DEPTOR: variants seen among roughly 807,000 people sequenced by gnomAD.
DEPTOR encodes the protein DEP domain-containing mTOR-interacting protein.
In DEPTOR, 41 loss-of-function variants were observed where a neutral mutation model predicts 41.6. That is an observed-to-expected ratio of 0.98 (90% CI 0.77 to 1.28). DEPTOR has a LOEUF of 1.28. Ranked by LOEUF, DEPTOR falls within the 50% of genes most tolerant of loss-of-function variation. The probability of loss-of-function intolerance (pLI) is 0.00; values close to 1 mark genes in which losing one functional copy is unlikely to be tolerated. For missense variants in DEPTOR, 514 were observed against 527.9 expected (o/e 0.97, Z 0.26); for synonymous variants, 195 against 192.3 (o/e 1.01, Z -0.12).
At position 120,029,597 on chromosome 8, in the gene DEPTOR, T is replaced by C. The variant is rs181409039; in HGVS notation, c.1102-19979T>C. Among the ~76,000 whole-genome samples the C allele has an allele frequency of 3.4e-3, 524 of 152,266 alleles. 1 individual carries two copies. Among genetic ancestry groups the C allele is most frequent in the African/African-American group, 0.011 (477 of 41,576 alleles). On this transcript the variant is annotated intron_variant, in intron 8 of 8. Transcript: ENST00000286234. ...TTTTAGTAGAGACAGGGTTTCACCATATTGGTCAGGCTGGTCTTGAATTCT... is the reference window on the plus strand; with the variant it reads ...TTTTAGTAGAGACAGGGTTTCACCACATTGGTCAGGCTGGTCTTGAATTCT...
intron 3 of DEPTOR, among the ~76,000 whole-genome samples, chr8:119,957,040 G>C (rs1828427382): frequency 6.6e-6 from 1 of 151,886 alleles, no homozygotes; most frequent in Admixed American, 6.6e-5. Context: ...CCTGGCCAGA[G>C]ACAGGGTCTT....
intron 4 of DEPTOR, among the ~76,000 whole-genome samples, chr8:119,973,829 A>G (rs1828662672): frequency 6.6e-6 from 1 of 152,228 alleles, no homozygotes; most frequent in Non-Finnish European, 1.5e-5. Context: ...TATACAAAGC[A>G]GTTTTACATA....
chr8:119,924,844 T>G (rs973587428), intron 1 of DEPTOR, among the ~76,000 whole-genome samples: 11 of 152,204 alleles, frequency 7.2e-5, no homozygotes, highest in Admixed American at 2.6e-4. Flanking sequence ...ACCCAGGTAA[T>G]GAGCATAGTA....
At chr8:119,985,017 C>A (rs1828811822) in intron 4 of DEPTOR, among the ~76,000 whole-genome samples, 1 of 152,018 alleles carries the variant, frequency 6.6e-6, no homozygotes, top group Non-Finnish European at 1.5e-5. Context: ...ACTAAAAATA[C>A]AAAAAATTAG....
chr8:119,899,069 C>T (rs1450629633), intron 1 of DEPTOR, among the ~76,000 whole-genome samples: 2 of 152,172 alleles, frequency 1.3e-5, no homozygotes, highest in Non-Finnish European at 2.9e-5. Flanking sequence ...TTTTGGTGAA[C>T]CCTCTATCAG....
intron 1 of DEPTOR, among the ~76,000 whole-genome samples, chr8:119,923,832 T>TG (rs1261091966): frequency 1.3e-5 from 2 of 152,066 alleles, no homozygotes; most frequent in Admixed American, 6.6e-5. Flanking sequence ...GGGTTCTTCT[T>TG]ATCTACTGAA....
intron 2 of DEPTOR, among the ~76,000 whole-genome samples, chr8:119,929,561 TATGATGATG>T (rs3834882): frequency 2.0e-5 from 3 of 151,418 alleles, no homozygotes; most frequent in Non-Finnish European, 4.4e-5. Flanking sequence ...ACTTCCTAAA[TATGATGATG>T]ATGATGATGA....
chr8:119,933,788 T>C (rs1033741917), intron 3 of DEPTOR, among the ~76,000 whole-genome samples: 1 of 152,166 alleles, frequency 6.6e-6, no homozygotes, highest in Non-Finnish European at 1.5e-5. Flanking sequence ...TGCTTGTTTG[T>C]TCTGTGTTAT....
Position 120,049,860 on chromosome 8 carries a change from A to C in DEPTOR, c.*156A>C. ...TCTAAAGTTGAGTTTTATACACTGAATGTGGAAGAACCGGGTATCATATCT... is the reference window on the plus strand; with the variant it reads ...TCTAAAGTTGAGTTTTATACACTGACTGTGGAAGAACCGGGTATCATATCT... On this transcript the variant is annotated 3_prime_UTR_variant, in exon 9 of 9. Transcript: ENST00000286234. The C allele has an allele frequency of 1.2e-6, 1 of 809,732 alleles. No individual in the cohort carries two copies. The highest frequency in any genetic ancestry group is 1.7e-6 in the Non-Finnish European group (1 of 572,182). The allele number at this position is 809,732 out of a possible 1,614,324, so 50.2% of individuals were successfully genotyped here.
At chr8:120,039,121 G>T (rs1813021232) in intron 8 of DEPTOR, among the ~76,000 whole-genome samples, 2 of 152,142 alleles carry the variant, frequency 1.3e-5, no homozygotes, top group African/African-American at 4.8e-5. Context: ...AAATGATTAG[G>T]TCACTGGGTC....
At chr8:119,884,619 A>G (rs905005033) in intron 1 of DEPTOR, among the ~76,000 whole-genome samples, 3 of 150,558 alleles carry the variant, frequency 2.0e-5, no homozygotes, top group African/African-American at 7.3e-5. Flanking sequence ...TCTATTGAGG[A>G]TCTTGAGTTA....
chr8:120,002,620 G>A (rs1812365978), intron 5 of DEPTOR, among the ~76,000 whole-genome samples: 1 of 150,280 alleles, frequency 6.7e-6, no homozygotes. Context: ...TCTACTAAAA[G>A]TACAAAATTT....
intron 6 of DEPTOR, among the ~76,000 whole-genome samples, chr8:120,003,533 G>A (rs1297462610): frequency 1.3e-5 from 2 of 152,174 alleles, no homozygotes; most frequent in Non-Finnish European, 2.9e-5. Context: ...TCGGAGCTGG[G>A]AGAAGTCCCT....
intron 1 of DEPTOR, among the ~76,000 whole-genome samples, chr8:119,915,359 GGAA>G (rs1314638048): frequency 6.6e-6 from 1 of 152,110 alleles, no homozygotes; most frequent in Admixed American, 6.5e-5. Context: ...TTCTTCTCAG[GGAA>G]GAAGTTTTCA....
chr8:120,015,697 G>C (rs534002934), intron 8 of DEPTOR, among the ~76,000 whole-genome samples: 1 of 152,292 alleles, frequency 6.6e-6, no homozygotes, highest in East Asian at 1.9e-4. Context: ...CCCGTACAGA[G>C]ACAGAGGGAG....
intron 2 of DEPTOR, among the ~76,000 whole-genome samples, chr8:119,928,855 T>G (rs557768247): frequency 1.8e-3 from 273 of 152,010 alleles, no homozygotes; most frequent in African/African-American, 6.1e-3. Context: ...CCCCCCAAAG[T>G]GCTGGGATTA....
intron 3 of DEPTOR, among the ~76,000 whole-genome samples, chr8:119,944,981 T>A (rs1050038881): frequency 2.6e-5 from 4 of 151,994 alleles, no homozygotes. Flanking sequence ...ACACCCTTCC[T>A]CTCTGCTTCT....
chr8:120,005,872 G>T (rs1450626088), intron 6 of DEPTOR, among the ~76,000 whole-genome samples: 1 of 152,120 alleles, frequency 6.6e-6, no homozygotes, highest in African/African-American at 2.4e-5. Flanking sequence ...AGGACAGCAT[G>T]CCACTATCTT....
rs16893277 is a variant in DEPTOR at position 119,912,434 on chromosome 8, T to C, written c.123-15966T>C. Among the ~76,000 whole-genome samples the C allele has an allele frequency of 3.3e-3, 503 of 152,352 alleles. 4 individuals carry two copies. Among genetic ancestry groups the C allele is most frequent in the African/African-American group, 0.011 (473 of 41,586 alleles). Reference sequence around the variant, plus strand: ...TGTTTAAGCTATGCCAGGTATGCAGTTGGGAATCAATAAATGTGTTTCGGT... The same window carrying C: ...TGTTTAAGCTATGCCAGGTATGCAGCTGGGAATCAATAAATGTGTTTCGGT... On this transcript the variant is annotated intron_variant, in intron 1 of 8. Coordinates refer to ENST00000286234, the MANE Select transcript of DEPTOR (RefSeq NM_022783.4).
Sources: allele counts gnomAD v4.1 joint callset (sites outside exome capture counted in the v4.1 genomes callset), GRCh38; gene constraint gnomAD v4.1.1; transcripts MANE v1.5; gene names NCBI Gene and HGNC (gene_info 2026-07-23, HGNC 2026-07-21).